The following ARHGEF16 variants were observed in gnomAD, a reference collection of about 807,000 sequenced individuals.
ARHGEF16 encodes the protein Rho guanine nucleotide exchange factor 16, also known as Rho guanine exchange factor (GEF) 16.
ARHGEF16 carries 59 observed loss-of-function variants against 74.1 expected under a neutral mutation model. The ratio of observed to expected loss-of-function variants is 0.80; its 90% CI spans 0.65 to 0.99. The LOEUF is 0.99. Ranked by LOEUF, ARHGEF16 falls within the 50% of genes least tolerant of loss-of-function variation. The pLI, the probability that ARHGEF16 is intolerant of heterozygous loss-of-function variation, is 0.00. For synonymous variants in ARHGEF16, 415 were observed against 412.6 expected, an observed-to-expected ratio of 1.01 and a Z score of -0.07; for missense variants, 948 against 986.6, an observed-to-expected ratio of 0.96 and a Z score of 0.52.
At position 3,463,644 on chromosome 1, in the gene ARHGEF16, C is replaced by T; in HGVS notation, c.560C>T (p.Pro187Leu). 1 of 1,417,586 alleles carries T rather than the reference C, an allele frequency of 7.1e-7. No homozygotes were observed. Among genetic ancestry groups the T allele is most frequent in the African/African-American group, 1.4e-5 (1 of 69,480 alleles). 87.8% of individuals were successfully genotyped at this position (1,417,586 alleles called of 1,614,324 possible). A position where few individuals can be genotyped will look rare whatever the true frequency, so the allele number is the denominator to read the frequency against. The change falls in exon 2 of 15, where the codon CCT becomes CTT. Residue 187 changes from proline (P) to leucine (L), a missense_variant. By Grantham distance (98) the Pro-to-Leu change is moderately conservative (BLOSUM62 -3). Transcript: ENST00000378378. ...LQALAEEPSQ[P>L]HTRSPAKNKK... Reference sequence around the variant, plus strand: ...GCTCTGGCTGAGGAACCCAGCCAGCCTCATACTCGGAGCCCGGCCAAAAAC... The same window carrying T: ...GCTCTGGCTGAGGAACCCAGCCAGCTTCATACTCGGAGCCCGGCCAAAAAC...
At chr1:3,458,690 C>T (rs933347775) in intron 1 of ARHGEF16, among the ~76,000 whole-genome samples, 1 of 152,158 alleles carries the variant, frequency 6.6e-6, no homozygotes, top group Non-Finnish European at 1.5e-5. Flanking sequence ...TGAGGAAAGC[C>T]CTGTGCCTGA....
chr1:3,456,865 C>T (rs1569829483), intron 1 of ARHGEF16, among the ~76,000 whole-genome samples: 1 of 152,224 alleles, frequency 6.6e-6, no homozygotes, highest in Admixed American at 6.5e-5. Flanking sequence ...GACTGGAATG[C>T]ACTTTGGGCT....
intron 6 of ARHGEF16, among the ~76,000 whole-genome samples, chr1:3,470,985 C>T (rs1410739908): frequency 2.1e-5 from 2 of 95,338 alleles, no homozygotes; most frequent in Admixed American, 1.2e-4. Flanking sequence ...GGTGTGTGTG[C>T]GTGGGCAGGG....
intron 8 of ARHGEF16, chr1:3,473,754 G>T: frequency 1.4e-6 from 1 of 693,416 alleles, no homozygotes. Flanking sequence ...GCGGATTTGT[G>T]TTCACTTACT....
intron 6 of ARHGEF16, among the ~76,000 whole-genome samples, chr1:3,470,095 G>T (rs1013314476): frequency 6.6e-6 from 1 of 151,944 alleles, no homozygotes. Flanking sequence ...TGTGCGTGGG[G>T]TGGGGTGGGG....
Position 3,457,698 on chromosome 1 carries a change from T to C in ARHGEF16, c.-20+2887T>C, listed in dbSNP as rs114907904. On this transcript the variant is annotated intron_variant, in intron 1 of 14. Coordinates refer to ENST00000378378, the MANE Select transcript of ARHGEF16 (RefSeq NM_014448.4). Reference sequence around the variant, plus strand: ...CAGGCTGGGCAGGGGGCCCTGAGACTGGCCAGCGACCACAGATTCCACCTG... The same window carrying C: ...CAGGCTGGGCAGGGGGCCCTGAGACCGGCCAGCGACCACAGATTCCACCTG... Among the ~76,000 whole-genome samples the C allele has an allele frequency of 4.7e-3, 714 of 152,270 alleles. 7 individuals are homozygous for C. Among genetic ancestry groups the C allele is most frequent in the African/African-American group, 0.016 (678 of 41,550 alleles).
intron 2 of ARHGEF16, chr1:3,465,922 C>T (rs1639530196): frequency 3.6e-6 from 2 of 562,672 alleles, no homozygotes; most frequent in South Asian, 4.4e-5. Context: ...TTCAACCCTT[C>T]CTCCTCCTCC....
At chr1:3,471,937 G>A in intron 6 of ARHGEF16, 3 of 566,326 alleles carry the variant, frequency 5.3e-6, no homozygotes, top group Non-Finnish European at 4.6e-6. Flanking sequence ...TGACCTGCTG[G>A]GTCCTCGTCC....
At chr1:3,463,726 G>T in intron 2 of ARHGEF16, 54 bp downstream of exon 2, 1 of 1,327,104 alleles carries the variant, frequency 7.5e-7, no homozygotes, top group Non-Finnish European at 9.8e-7. Context: ...CAGAGGGGCG[G>T]CCTGGCCGTC....
intron 8 of ARHGEF16, 116 bp downstream of exon 8, chr1:3,473,638 T>C (rs1639802065): frequency 2.0e-6 from 3 of 1,516,754 alleles, no homozygotes; most frequent in Non-Finnish European, 2.7e-6. Flanking sequence ...GCTTGGCCTA[T>C]GATATTGTAA....
chr1:3,469,731 C>A, intron 6 of ARHGEF16, 138 bp downstream of exon 6: 1 of 1,228,060 alleles, frequency 8.1e-7, no homozygotes, highest in Non-Finnish European at 1.1e-6. Context: ...CAGCTGCTGG[C>A]TCCCGCGGAG....
At position 3,480,598 on chromosome 1, in the gene ARHGEF16, G is replaced by A; in HGVS notation, c.*11G>A. 1 of 1,601,264 alleles carries A rather than the reference G, an allele frequency of 6.2e-7. No individual in the cohort carries two copies. The highest frequency in any genetic ancestry group is 8.5e-7 in the Non-Finnish European group (1 of 1,178,112). On this transcript the variant is annotated 3_prime_UTR_variant, in exon 15 of 15. Coordinates refer to ENST00000378378, the MANE Select transcript of ARHGEF16 (RefSeq NM_014448.4). ...GAGACGGACGTGTAGCCCTGGCGAGGCCAGCCGGCGGCAGCACAGCCTGTC... is the reference window on the plus strand; with the variant it reads ...GAGACGGACGTGTAGCCCTGGCGAGACCAGCCGGCGGCAGCACAGCCTGTC...
intron 11 of ARHGEF16, 118 bp downstream of exon 11, chr1:3,478,144 G>A (rs542612018): frequency 2.7e-5 from 38 of 1,410,306 alleles, no homozygotes; most frequent in Middle Eastern, 3.9e-4. Flanking sequence ...GAGCCGAGGC[G>A]CGGCTTCCAC....
In ARHGEF16 at chr1:3,479,599, G is replaced by A. The variant is rs77854264; in HGVS notation, c.1888+9G>A. ...CCTCTCCAGCAAAGGAGGTGAGTGC[G>A]GGCTGGGGCCTGCAGGGCTGGCCCT... On this transcript the variant is annotated intron_variant, in intron 13 of 14. Transcript: ENST00000378378. 2,904 of 1,609,922 alleles carry A rather than the reference G, an allele frequency of 1.8e-3. 46 individuals carry two copies. In the African/African-American group the frequency reaches 0.034, roughly 19 times the overall value.
chr1:3,476,686 G>A (rs1261532255), intron 10 of ARHGEF16, among the ~76,000 whole-genome samples: 1 of 152,116 alleles, frequency 6.6e-6, no homozygotes, highest in Non-Finnish European at 1.5e-5. Context: ...CCCCTAAGGC[G>A]GGCCCAGGTG....
In ARHGEF16 at chr1:3,467,282, C is replaced by A; in HGVS notation, c.749C>A (p.Thr250Asn). 6.5e-7 allele frequency: 1 copy of A among 1,550,384 alleles called. No individual in the cohort carries two copies. Among genetic ancestry groups the A allele is most frequent in the Non-Finnish European group, 8.7e-7 (1 of 1,146,882 alleles). Residue 250 changes from threonine (T) to asparagine (N), a missense_variant, in exon 4 of 15, where the codon ACC becomes AAC. Thr to Asn is a moderately conservative substitution (Grantham distance 65). Transcript: ENST00000378378. Reference protein sequence around the residue: ...SPEGTQKVDATIVVKSYRPAQ... With the variant: ...SPEGTQKVDANIVVKSYRPAQ... ...GAGGGAACCCAGAAGGTGGACGCCA[C>A]CATTGTGGTCAAGAGCTACCGGCCC...
chr1:3,468,065 G>A lies in ARHGEF16; in HGVS notation c.804+728G>A, dbSNP rs565744268. ...CCAGCGTGGGGTGAGGGCAGGCAGC[G>A]GGCAGCCTCCCCACAGATAGAAAGG... On this transcript the variant is annotated intron_variant, in intron 4 of 14. Coordinates refer to ENST00000378378, the MANE Select transcript of ARHGEF16 (RefSeq NM_014448.4). Among the ~76,000 whole-genome samples the A allele has an allele frequency of 1.3e-4, 20 of 152,262 alleles. No individual in the cohort carries two copies. The East Asian group carries it at 1.5e-3, about 12-fold the overall frequency.
chr1:3,465,848 C>T (rs1472479849), intron 2 of ARHGEF16, among the ~76,000 whole-genome samples: 1 of 152,224 alleles, frequency 6.6e-6, no homozygotes, highest in African/African-American at 2.4e-5. Context: ...ACAGCCCTCT[C>T]CCAACCTCAC....
intron 3 of ARHGEF16, 25 bp downstream of exon 3, chr1:3,466,218 G>C: frequency 6.5e-7 from 1 of 1,532,148 alleles, no homozygotes; most frequent in Non-Finnish European, 8.8e-7. Flanking sequence ...GGGAGGCACC[G>C]CGGGCTGGGC....
Sources: gnomAD v4.1 joint callset for allele counts (sites outside exome capture counted in the v4.1 genomes callset) on GRCh38, gnomAD v4.1.1 for gene constraint, MANE v1.5 for transcripts, NCBI Gene and HGNC (gene_info 2026-07-23, HGNC 2026-07-21) for gene names.